CLSTN2: variants seen among roughly 807,000 people sequenced by gnomAD.
CLSTN2 encodes the protein calsyntenin-2.
Under a neutral mutation model 101.2 loss-of-function variants are expected in CLSTN2, and 48 were observed. That is an observed-to-expected ratio of 0.47 (90% CI 0.38 to 0.60). The LOEUF is 0.60. Ranked by LOEUF, CLSTN2 falls within the 20% of genes least tolerant of loss-of-function variation. The pLI is 0.00. For missense variants in CLSTN2, 1,160 were observed against 1,238.2 expected, an observed-to-expected ratio of 0.94 and a Z score of 0.95; for synonymous variants, 481 against 463.6, an observed-to-expected ratio of 1.04 and a Z score of -0.48.
rs534278646 is a variant in CLSTN2, at chr3:140,034,611, CTT to C, written c.109+99131_109+99132del. The stretch of plus-strand genomic sequence containing the variant: ...AGGGGAGCCCACCCTGCCTTCCTCT[CTT>C]TTGCCAGAGCATCTTCTTCAGTTGG... On this transcript the variant is annotated intron_variant, in intron 1 of 16. Transcript: ENST00000458420. 5.2e-3 allele frequency among the ~76,000 whole-genome samples: 795 copies of C among 152,312 alleles called. 9 individuals carry two copies. The highest frequency in any genetic ancestry group is 0.017 in the African/African-American group (686 of 41,556).
intron 6 of CLSTN2, among the ~76,000 whole-genome samples, chr3:140,455,143 G>C (rs1008129262): frequency 6.6e-6 from 1 of 152,206 alleles, no homozygotes; most frequent in African/African-American, 2.4e-5. Flanking sequence ...ATGTCTATTG[G>C]CATAATATGG....
intron 1 of CLSTN2, among the ~76,000 whole-genome samples, chr3:140,072,468 A>C (rs2008413467): frequency 6.6e-6 from 1 of 152,216 alleles, no homozygotes; most frequent in South Asian, 2.1e-4. Flanking sequence ...CAAATTAACA[A>C]TGTTAATTTT....
intron 12 of CLSTN2, among the ~76,000 whole-genome samples, chr3:140,560,589 C>A (rs1407936990): frequency 6.6e-6 from 1 of 151,582 alleles, no homozygotes; most frequent in Non-Finnish European, 1.5e-5. Context: ...ACCAGGAGGA[C>A]CCCGAGGGCT....
At chr3:140,041,262 C>T (rs984519834) in intron 1 of CLSTN2, among the ~76,000 whole-genome samples, 12 of 152,192 alleles carry the variant, frequency 7.9e-5, no homozygotes, top group Admixed American at 5.2e-4. Context: ...CACTTGGCCA[C>T]GTACAGCCAG....
intron 2 of CLSTN2, among the ~76,000 whole-genome samples, chr3:140,381,286 A>C (rs2087979697): frequency 1.3e-5 from 2 of 152,194 alleles, no homozygotes; most frequent in Admixed American, 6.5e-5. Flanking sequence ...ATTGGATTAG[A>C]GCCCACCCTA....
At chr3:140,159,602 T>G (rs939556690) in intron 1 of CLSTN2, among the ~76,000 whole-genome samples, 40 of 152,096 alleles carry the variant, frequency 2.6e-4, no homozygotes, top group Non-Finnish European at 5.6e-4. Flanking sequence ...GAAAAGCAGT[T>G]TAGAGATTTC....
intron 2 of CLSTN2, among the ~76,000 whole-genome samples, chr3:140,178,330 T>G (rs1379479018): frequency 1.3e-5 from 2 of 152,120 alleles, no homozygotes; most frequent in African/African-American, 4.8e-5. Context: ...GAAGAAGAAT[T>G]AAATGTTTCA....
chr3:140,218,722 G>T (rs2086233314), intron 2 of CLSTN2, among the ~76,000 whole-genome samples: 1 of 152,224 alleles, frequency 6.6e-6, no homozygotes, highest in Admixed American at 6.5e-5. Context: ...ATAGATGGCA[G>T]CTTTATAAAA....
intron 10 of CLSTN2, among the ~76,000 whole-genome samples, chr3:140,547,473 T>TAAAA (rs548170688): frequency 5.9e-4 from 89 of 150,304 alleles, no homozygotes; most frequent in Admixed American, 4.0e-4. Context: ...GACTCCATCT[T>TAAAA]AAAAAAAAGA....
intron 1 of CLSTN2, among the ~76,000 whole-genome samples, chr3:140,142,569 G>C (rs78042225): frequency 6.6e-6 from 1 of 152,198 alleles, no homozygotes. Flanking sequence ...GGTCATTTGT[G>C]ACTAAGTTCT....
intron 1 of CLSTN2, among the ~76,000 whole-genome samples, chr3:140,068,945 T>C (rs1012523125): frequency 6.6e-6 from 1 of 152,240 alleles, no homozygotes; most frequent in Non-Finnish European, 1.5e-5. Flanking sequence ...CACTCTGTGC[T>C]CTTTGATAAT....
rs1218526148 is a variant in CLSTN2 at position 140,568,520 on chromosome 3, A to G, written c.*2267A>G. ...CTGTGTCTGTACATCCACAAGAGGA[A>G]AGTCTATAGGACTGATTAGTTTTCA... On this transcript the variant is annotated 3_prime_UTR_variant, in exon 17 of 17. Coordinates refer to ENST00000458420, the MANE Select transcript of CLSTN2 (RefSeq NM_022131.3). 1 of 152,208 alleles carries G rather than the reference A, an allele frequency of 6.6e-6. No homozygotes were observed. The highest frequency in any genetic ancestry group is 6.5e-5 in the Admixed American group (1 of 15,286). 9.4% of individuals were successfully genotyped at this position (152,208 alleles called of 1,614,324 possible).
intron 1 of CLSTN2, among the ~76,000 whole-genome samples, chr3:140,163,959 A>C (rs1336591315): frequency 6.6e-6 from 1 of 152,056 alleles, no homozygotes; most frequent in Admixed American, 6.6e-5. Flanking sequence ...TAAGTTAAGG[A>C]CTATCTTAGG....
chr3:140,455,937 C>A (rs1321084068), intron 6 of CLSTN2, among the ~76,000 whole-genome samples: 1 of 152,212 alleles, frequency 6.6e-6, no homozygotes, highest in Non-Finnish European at 1.5e-5. Context: ...TCCCCCTCAG[C>A]AGGGAAGACA....
At chr3:140,233,275 T>C (rs2086386811) in intron 2 of CLSTN2, among the ~76,000 whole-genome samples, 1 of 152,184 alleles carries the variant, frequency 6.6e-6, no homozygotes, top group East Asian at 1.9e-4. Context: ...TGACACTTGG[T>C]CGACTCCGCA....
rs1935852123 is a variant in CLSTN2 at position 140,558,740 on chromosome 3, C to A, written c.1924C>A (p.His642Asn). ...EPRITLRGTD[H>N]FWRPAAQFES... Reference sequence around the variant, plus strand: ...CCGGATCACCCTCCGGGGCACAGACCACTTCTGGAGACCTGCTGCCCAGTT... The same window carrying A: ...CCGGATCACCCTCCGGGGCACAGACAACTTCTGGAGACCTGCTGCCCAGTT... Residue 642 changes from histidine to asparagine, a missense_variant, in exon 12 of 17, where the codon CAC becomes AAC. Coordinates refer to ENST00000458420, the MANE Select transcript of CLSTN2 (RefSeq NM_022131.3). The A allele has an allele frequency of 1.2e-6, 2 of 1,613,928 alleles. No individual in the cohort carries two copies. Among genetic ancestry groups the A allele is most frequent in the Non-Finnish European group, 1.7e-6 (2 of 1,179,998 alleles).
intron 2 of CLSTN2, among the ~76,000 whole-genome samples, chr3:140,230,297 A>G (rs886517562): frequency 1.3e-5 from 2 of 152,196 alleles, no homozygotes; most frequent in Non-Finnish European, 2.9e-5. Flanking sequence ...AATGGATAGC[A>G]TCATAAGAGC....
chr3:140,347,281 C>T (rs144977041), intron 2 of CLSTN2, among the ~76,000 whole-genome samples: 34 of 152,322 alleles, frequency 2.2e-4, no homozygotes, highest in African/African-American at 8.2e-4. Flanking sequence ...GAGGTTAGGT[C>T]ATTTCCAGTG....
At chr3:140,488,758 T>A (rs1934285921) in intron 8 of CLSTN2, among the ~76,000 whole-genome samples, 2 of 133,152 alleles carry the variant, frequency 1.5e-5, no homozygotes, top group Admixed American at 8.9e-5. Flanking sequence ...AAACAGAAAA[T>A]CACATTCAGA....
Sources: gnomAD v4.1 joint callset for allele counts (sites outside exome capture counted in the v4.1 genomes callset) on GRCh38, gnomAD v4.1.1 for gene constraint, MANE v1.5 for transcripts, NCBI Gene and HGNC (gene_info 2026-07-23, HGNC 2026-07-21) for gene names.